The following SOBP variants were observed in gnomAD, a reference collection of about 807,000 sequenced individuals.
SOBP encodes the protein sine oculis-binding protein homolog.
In SOBP, 4 loss-of-function variants were observed where a neutral mutation model predicts 53.6. That is an observed-to-expected ratio of 0.07 (90% CI 0.04 to 0.17). The LOEUF is 0.17. Among genes scored for constraint, SOBP ranks in the 10% least tolerant of loss-of-function variants. The pLI is 1.00. For synonymous variants in SOBP, 584 were observed against 522.6 expected (o/e 1.12, Z -1.60); for missense variants, 1,088 against 1,204.7 (o/e 0.90, Z 1.43).
intron 4 of SOBP, among the ~76,000 whole-genome samples, chr6:107,564,446 G>T (rs562909115): frequency 6.6e-6 from 1 of 152,160 alleles, no homozygotes; most frequent in African/African-American, 2.4e-5. Flanking sequence ...AACATTTGTC[G>T]TTACACATGC....
intron 4 of SOBP, among the ~76,000 whole-genome samples, chr6:107,577,812 G>A (rs1299384070): frequency 1.3e-5 from 2 of 152,180 alleles, no homozygotes; most frequent in East Asian, 3.9e-4. Flanking sequence ...GGTTGCTCAT[G>A]CCTGTAATCC....
chr6:107,612,629 T>C (rs1786641280), intron 5 of SOBP, among the ~76,000 whole-genome samples: 1 of 152,172 alleles, frequency 6.6e-6, no homozygotes, highest in African/African-American at 2.4e-5. Flanking sequence ...CATAGCATTT[T>C]CTATTTTAAC....
In SOBP at chr6:107,583,302, A is replaced by G. The variant is rs1362879044; in HGVS notation, c.574-3778A>G. On this transcript the variant is annotated intron_variant, in intron 4 of 6. Coordinates refer to ENST00000317357, the MANE Select transcript of SOBP (RefSeq NM_018013.4). ...GCCCTTAGGAAGCTTGTAGGCTACT[A>G]GGGGAGACAAAAATCACACCAGTAA... Among the ~76,000 whole-genome samples the G allele has an allele frequency of 4.6e-5, 7 of 152,154 alleles. No individual in the cohort carries two copies. The East Asian group carries it at 7.7e-4, about 17-fold the overall frequency.
At chr6:107,566,792 G>C (rs1461541549) in intron 4 of SOBP, among the ~76,000 whole-genome samples, 1 of 152,222 alleles carries the variant, frequency 6.6e-6, no homozygotes, top group Non-Finnish European at 1.5e-5. Flanking sequence ...ACGTTCCTGA[G>C]GGAGGAAATC....
In SOBP at chr6:107,598,906, C is replaced by T. The variant is rs550004564; in HGVS notation, c.669+11731C>T. Reference sequence around the variant, plus strand: ...GATTTTGGATAACAGTCTTAAGTAGCTAGTTGTGTGCAGTGGGAAAAACAA... The same window carrying T: ...GATTTTGGATAACAGTCTTAAGTAGTTAGTTGTGTGCAGTGGGAAAAACAA... On this transcript the variant is annotated intron_variant, in intron 5 of 6. Coordinates refer to ENST00000317357, the MANE Select transcript of SOBP (RefSeq NM_018013.4). Among the ~76,000 whole-genome samples, 5 of 152,272 alleles carry T rather than the reference C, an allele frequency of 3.3e-5. No individual in the cohort carries two copies. The South Asian group carries it at 1.0e-3, about 32-fold the overall frequency.
chr6:107,558,141 TC>T (rs1223822875), intron 4 of SOBP: 1 of 152,222 alleles, frequency 6.6e-6, no homozygotes, highest in Admixed American at 6.5e-5. Context: ...CATTTGATCT[TC>T]CTTGCAAACT....
At chr6:107,599,566 G>A (rs1221818337) in intron 5 of SOBP, among the ~76,000 whole-genome samples, 2 of 147,598 alleles carry the variant, frequency 1.4e-5, no homozygotes, top group Non-Finnish European at 3.0e-5. Flanking sequence ...AATTTGCTGG[G>A]TTTATAAAGG....
chr6:107,502,737 A>T (rs1028164828), intron 1 of SOBP, among the ~76,000 whole-genome samples: 3 of 152,100 alleles, frequency 2.0e-5, no homozygotes, highest in Non-Finnish European at 1.5e-5. Context: ...TGAAATTTAT[A>T]AAAAAAACTT....
rs193176041 is a variant in SOBP, at chr6:107,588,152, G to T, written c.669+977G>T. Among the ~76,000 whole-genome samples the T allele has an allele frequency of 5.3e-5, 8 of 152,286 alleles. No individual in the cohort carries two copies. The East Asian group carries it at 1.4e-3, about 26-fold the overall frequency. On this transcript the variant is annotated intron_variant, in intron 5 of 6. Transcript: ENST00000317357. Reference sequence around the variant, plus strand: ...TTTAGTTTTTTGGCCGACCAGCTCTGCCAGGTCTCTGCATTAGGAAATCCC... The same window carrying T: ...TTTAGTTTTTTGGCCGACCAGCTCTTCCAGGTCTCTGCATTAGGAAATCCC...
chr6:107,533,334 C>T, intron 3 of SOBP, 125 bp from the exon 4 acceptor site: 1 of 533,562 alleles, frequency 1.9e-6, no homozygotes, highest in Non-Finnish European at 3.2e-6. Context: ...AAAGAAAAAG[C>T]ACTTCTTCTC....
At chr6:107,492,167 GTTTTA>G (rs1324318446) in intron 1 of SOBP, among the ~76,000 whole-genome samples, 2 of 152,160 alleles carry the variant, frequency 1.3e-5, no homozygotes, top group Non-Finnish European at 2.9e-5. Context: ...ATGATGGACA[GTTTTA>G]TTTTATTTTT....
intron 5 of SOBP, among the ~76,000 whole-genome samples, chr6:107,590,929 T>G (rs577111302): frequency 2.0e-5 from 3 of 152,280 alleles, no homozygotes; most frequent in Non-Finnish European, 2.9e-5. Context: ...CAAGGCATTG[T>G]ACTAGACAGT....
chr6:107,601,973 A>G (rs1444619201), intron 5 of SOBP, among the ~76,000 whole-genome samples: 2 of 152,216 alleles, frequency 1.3e-5, no homozygotes, highest in Non-Finnish European at 2.9e-5. Flanking sequence ...GTGTAATTGC[A>G]CATTAAGAAA....
At chr6:107,582,227 G>A (rs776475481) in intron 4 of SOBP, among the ~76,000 whole-genome samples, 1 of 152,190 alleles carries the variant, frequency 6.6e-6, no homozygotes, top group Non-Finnish European at 1.5e-5. Context: ...TTCAGAGGAG[G>A]AAGAATGCCT....
chr6:107,624,893 T>C (rs1770388067), intron 5 of SOBP, among the ~76,000 whole-genome samples: 1 of 152,200 alleles, frequency 6.6e-6, no homozygotes, highest in South Asian at 2.1e-4. Flanking sequence ...AAAGTTATTG[T>C]CAAATATTAG....
chr6:107,499,321 C>A (rs1003422405), intron 1 of SOBP, among the ~76,000 whole-genome samples: 1 of 152,122 alleles, frequency 6.6e-6, no homozygotes, highest in African/African-American at 2.4e-5. Flanking sequence ...CATATAGGTT[C>A]ACCAAAAGTT....
intron 6 of SOBP, among the ~76,000 whole-genome samples, chr6:107,642,783 A>G (rs2115165713): frequency 6.6e-6 from 1 of 152,330 alleles, no homozygotes; most frequent in South Asian, 2.1e-4. Context: ...GGAAGTAAGA[A>G]TGTGACTGAT....
chr6:107,590,591 G>A (rs899998099), intron 5 of SOBP, among the ~76,000 whole-genome samples: 9 of 152,202 alleles, frequency 5.9e-5, no homozygotes, highest in Admixed American at 1.3e-4. Context: ...GAGGCTGTTA[G>A]GGGTGAGGGT....
chr6:107,577,901 A>G (rs1413507907), intron 4 of SOBP, among the ~76,000 whole-genome samples: 2 of 152,022 alleles, frequency 1.3e-5, no homozygotes, highest in East Asian at 1.9e-4. Flanking sequence ...GTGAAACTCC[A>G]TCTCTACTAA....
Sources: gnomAD v4.1 joint callset for allele counts (sites outside exome capture counted in the v4.1 genomes callset) on GRCh38, gnomAD v4.1.1 for gene constraint, MANE v1.5 for transcripts, NCBI Gene and HGNC (gene_info 2026-07-23, HGNC 2026-07-21) for gene names.